The following TMC8 variants were observed in gnomAD, a reference collection of about 807,000 sequenced individuals.
TMC8 encodes the protein transmembrane channel like 8, also known as transmembrane channel-like protein 8.
A neutral mutation model predicts 76.0 loss-of-function variants in TMC8; 71 were observed. The ratio of observed to expected loss-of-function variants is 0.93; its 90% CI spans 0.77 to 1.14. The LOEUF (loss-of-function observed/expected upper bound fraction) is 1.14. Among genes scored for constraint, TMC8 ranks in the 50% most tolerant of loss-of-function variants. The pLI is 0.00. For missense variants in TMC8, 924 were observed against 947.9 expected, an observed-to-expected ratio of 0.97 and a Z score of 0.33; for synonymous variants, 433 against 433.8, an observed-to-expected ratio of 1.00 and a Z score of 0.02.
intron 15 of TMC8, among the ~76,000 whole-genome samples, 177 bp downstream of exon 15, chr17:78,139,417 T>G (rs2145724539): frequency 6.6e-6 from 1 of 152,132 alleles, no homozygotes; most frequent in South Asian, 2.1e-4. Context: ...CTCGGGCTCC[T>G]GAGACCAGGA....
intron 5 of TMC8, 130 bp downstream of exon 5, chr17:78,133,000 T>A: frequency 9.4e-7 from 1 of 1,066,476 alleles, no homozygotes; most frequent in Non-Finnish European, 1.4e-6. Context: ...TGGTCTTACC[T>A]AGACAGACTG....
At position 78,138,019 on chromosome 17, in the gene TMC8, G is replaced by A. The variant is rs151076155; in HGVS notation, c.1364G>A (p.Arg455Gln). The A allele has an allele frequency of 2.3e-3, 3,678 of 1,613,946 alleles. 5 individuals are homozygous for A. Among genetic ancestry groups the A allele is most frequent in the Non-Finnish European group, 2.9e-3 (3,390 of 1,180,016 alleles). The change falls in exon 12 of 16, where the codon CGG (arginine) becomes CAG (glutamine). Residue 455 changes from arginine (R) to glutamine (Q), a missense_variant. Transcript: ENST00000318430. Reference protein sequence around the residue: ...VTLPRRLLVDRFSGRFWAWLE... With the variant: ...VTLPRRLLVDQFSGRFWAWLE... ...CATCCCTGCAGGCTGCTGGTGGACCGGTTCTCAGGCCGGTTCTGGGCCTGG... is the reference window on the plus strand; with the variant it reads ...CATCCCTGCAGGCTGCTGGTGGACCAGTTCTCAGGCCGGTTCTGGGCCTGG...
At position 78,142,168 on chromosome 17, in the gene TMC8, C is replaced by T. The variant is rs1325638847; in HGVS notation, c.*1056C>T. ...TGCTGCAGTGACTAAATCTGTGGTT[C>T]TCATCCTTGGAGAACACCTGAGTAG... On this transcript the variant is annotated 3_prime_UTR_variant, in exon 16 of 16. Coordinates refer to ENST00000318430, the MANE Select transcript of TMC8 (RefSeq NM_152468.5). 1 of 152,012 alleles carries T rather than the reference C, an allele frequency of 6.6e-6. No homozygotes were observed. Among genetic ancestry groups the T allele is most frequent in the Admixed American group, 6.6e-5 (1 of 15,258 alleles). The allele number at this position is 152,012 out of a possible 1,614,324, so 9.4% of individuals were successfully genotyped here.
At chr17:78,132,287 C>T (rs1425332530) in intron 3 of TMC8, 72 bp from the exon 4 acceptor site, 4 of 1,575,324 alleles carry the variant, frequency 2.5e-6, no homozygotes, top group South Asian at 1.1e-5. Flanking sequence ...CCGGTGGGCC[C>T]GCCCTTGGAC....
intron 10 of TMC8, 25 bp from the exon 11 acceptor site, chr17:78,137,692 C>T (rs377390142): frequency 2.0e-5 from 32 of 1,596,942 alleles, no homozygotes; most frequent in Admixed American, 3.3e-5. Context: ...TGAGTGGTGA[C>T]GGGTCCCCTT....
In TMC8 at chr17:78,131,429, G is replaced by T. The variant is rs2074961193; in HGVS notation, c.-160G>T. ...GGGCAAGTGAACCCTAGGGCTGCAG[G>T]AGCCCAGGCCCCGACGCCGGCGCAG... is the stretch of plus-strand genomic sequence containing the variant. On this transcript the variant is annotated 5_prime_UTR_variant, in exon 2 of 16. Coordinates refer to ENST00000318430, the MANE Select transcript of TMC8 (RefSeq NM_152468.5). 2 of 997,690 alleles carry T rather than the reference G, an allele frequency of 2.0e-6. No homozygotes were observed. Among genetic ancestry groups the T allele is most frequent in the Non-Finnish European group, 3.0e-6 (2 of 670,988 alleles). 61.8% of individuals were successfully genotyped at this position (997,690 alleles called of 1,614,324 possible).
At chr17:78,133,349 G>A in intron 5 of TMC8, 57 bp from the exon 6 acceptor site, 2 of 1,612,668 alleles carry the variant, frequency 1.2e-6, no homozygotes, top group Non-Finnish European at 1.7e-6. Flanking sequence ...TATATGGAAA[G>A]CACTTGAGCA....
chr17:78,133,594 C>T, intron 6 of TMC8, 52 bp downstream of exon 6: 13 of 1,602,944 alleles, frequency 8.1e-6, no homozygotes, highest in Admixed American at 1.7e-5. Context: ...CTTCCCTGAT[C>T]ACCCCTTCCT....
At chr17:78,132,128 C>A (rs189348567) in intron 3 of TMC8, 98 bp downstream of exon 3, 17 of 1,516,372 alleles carry the variant, frequency 1.1e-5, no homozygotes, top group Non-Finnish European at 1.4e-5. Flanking sequence ...TGCCTTCACC[C>A]GGGTCCCCCG....
Position 78,131,725 on chromosome 17 carries a change from A to C in TMC8, c.137A>C (p.Lys46Thr). The change falls in exon 2 of 16, where the codon AAG becomes ACG. Residue 46 changes from lysine (K) to threonine (T), a missense_variant. Lys to Thr is a moderately conservative substitution (Grantham distance 78). Transcript: ENST00000318430. ...VRGLPYAMMD[K>T]RLIWQLREPA... is the part of the protein sequence containing the mutation. ...GGGCTGCCCTATGCCATGATGGACA[A>C]GCGCCTCATCTGGTGGGTGCCACGC... 6.3e-7 allele frequency: 1 copy of C among 1,584,748 alleles called. No individual in the cohort carries two copies. Among genetic ancestry groups the C allele is most frequent in the African/African-American group, 1.3e-5 (1 of 74,656 alleles).
At chr17:78,132,597 C>A in intron 4 of TMC8, 89 bp downstream of exon 4, 1 of 1,544,962 alleles carries the variant, frequency 6.5e-7, no homozygotes, top group Non-Finnish European at 8.8e-7. Flanking sequence ...GGCGACAACG[C>A]TGGGCGTGGT....
chr17:78,132,980 C>T (rs2075072955), intron 5 of TMC8, 110 bp downstream of exon 5: 1 of 1,276,450 alleles, frequency 7.8e-7, no homozygotes, highest in African/African-American at 1.5e-5. Flanking sequence ...CATTTCGGCT[C>T]CTCAGGGGAT....
Position 78,134,939 on chromosome 17 carries a change from C to T in TMC8, c.1057C>T (p.Leu353=), listed in dbSNP as rs575481356. Residue 353 remains leucine (L), a synonymous_variant, in exon 9 of 16, where the codon CTG becomes TTG. Coordinates refer to ENST00000318430, the MANE Select transcript of TMC8 (RefSeq NM_152468.5). ...VIALVNFLGP[L]LFTFLVQLEN... is the part of the protein sequence containing the mutation. ...CGCCCTGGTCAACTTCCTGGGTCCC[C>T]TGCTGTTCACATTTCTGGTCCAGCT... 6 of 1,614,206 alleles carry T rather than the reference C, an allele frequency of 3.7e-6. No individual in the cohort carries two copies. In the South Asian group the frequency reaches 5.5e-5, roughly 15 times the overall value.
Position 78,141,137 on chromosome 17 carries a change from C to G in TMC8, c.*25C>G. The stretch of plus-strand genomic sequence containing the variant: ...ACCCCTACCCCTGCCTCCCCGAAGC[C>G]TCCCTGGGGCCCCTTCAGGCCTCCT... On this transcript the variant is annotated 3_prime_UTR_variant, in exon 16 of 16. Coordinates refer to ENST00000318430, the MANE Select transcript of TMC8 (RefSeq NM_152468.5). 1 of 1,527,534 alleles carries G rather than the reference C, an allele frequency of 6.5e-7. No homozygotes were observed. The highest frequency in any genetic ancestry group is 8.7e-7 in the Non-Finnish European group (1 of 1,146,224). The allele number at this position is 1,527,534 out of a possible 1,614,324, so 94.6% of individuals were successfully genotyped here.
At position 78,141,091 on chromosome 17, in the gene TMC8, C is replaced by G; in HGVS notation, c.2160C>G (p.Phe720Leu). ...GAPASARRFR[F>L]PSGAEL Reference sequence around the variant, plus strand: ...CGGCCTCCGCCCGCAGATTCCGCTTCCCCAGCGGCGCGGAGCTGTAACCCC... The same window carrying G: ...CGGCCTCCGCCCGCAGATTCCGCTTGCCCAGCGGCGCGGAGCTGTAACCCC... Residue 720 changes from phenylalanine to leucine, a missense_variant, in exon 16 of 16, where the codon TTC becomes TTG. Transcript: ENST00000318430. 6.3e-7 allele frequency: 1 copy of G among 1,579,618 alleles called. No individual in the cohort carries two copies. Among genetic ancestry groups the G allele is most frequent in the Non-Finnish European group, 8.6e-7 (1 of 1,167,784 alleles).
At chr17:78,134,607 G>A in intron 8 of TMC8, 43 bp downstream of exon 8, 5 of 1,610,252 alleles carry the variant, frequency 3.1e-6, no homozygotes, top group Non-Finnish European at 4.2e-6. Flanking sequence ...CAGAACTGCG[G>A]GGGTGAGACA....
intron 9 of TMC8, among the ~76,000 whole-genome samples, chr17:78,136,264 G>A (rs2075226011): frequency 6.6e-6 from 1 of 152,094 alleles, no homozygotes; most frequent in African/African-American, 2.4e-5. Context: ...AGGAGTTTGA[G>A]ACCGGCCTGG....
chr17:78,138,372 G>C lies in TMC8; in HGVS notation c.1557G>C (p.Arg519Ser). The C allele has an allele frequency of 6.2e-7, 1 of 1,611,464 alleles. No homozygotes were observed. The highest frequency in any genetic ancestry group is 8.5e-7 in the Non-Finnish European group (1 of 1,180,004). ...IKKYTLLKNS[R>S]ASSRPFRASS... The stretch of plus-strand genomic sequence containing the variant: ...AGTACACCCTCCTGAAGAACTCCAG[G>C]GCATCTTCGCGGCCCTTCCGTGCCT... The change falls in exon 13 of 16, where the codon AGG becomes AGC. Residue 519 changes from arginine to serine, a missense_variant. Coordinates refer to ENST00000318430, the MANE Select transcript of TMC8 (RefSeq NM_152468.5).
At chr17:78,134,822 CAG>C (rs2075178339) in intron 8 of TMC8, 46 bp from the exon 9 acceptor site, 2 of 1,610,552 alleles carry the variant, frequency 1.2e-6, no homozygotes, top group African/African-American at 1.3e-5. Flanking sequence ...GGGGAGCAGA[CAG>C]GGGCCCCCCA....
Sources: gnomAD v4.1 joint callset for allele counts (sites outside exome capture counted in the v4.1 genomes callset) on GRCh38, gnomAD v4.1.1 for gene constraint, MANE v1.5 for transcripts, NCBI Gene and HGNC (gene_info 2026-07-23, HGNC 2026-07-21) for gene names.